ABCC6: variants seen among roughly 807,000 people sequenced by gnomAD.
ABCC6 encodes the protein ATP-binding cassette sub-family C member 6.
In ABCC6, 126 loss-of-function variants were observed where a neutral mutation model predicts 169.5. The ratio of observed to expected loss-of-function variants is 0.74; its 90% CI spans 0.64 to 0.86. The LOEUF (loss-of-function observed/expected upper bound fraction) is 0.86. ABCC6 is among the 40% of genes least tolerant of loss of function. The pLI, the probability that ABCC6 is intolerant of heterozygous loss-of-function variation, is 0.00. For synonymous variants in ABCC6, 752 were observed against 814.7 expected (o/e 0.92, Z 1.31); for missense variants, 1,733 against 1,927.2 (o/e 0.90, Z 1.89).
rs975834199 is a variant in ABCC6, at chr16:16,177,715, T to C, written c.2416-89A>G. On this transcript the variant is annotated intron_variant, in intron 18 of 30. Transcript: ENST00000205557. ...CCCAACACTTTGGGAAGCCAAAGCA[T>C]GTGGATCACTTGAGGCCAGAAGTTC... 14 of 1,513,310 alleles carry C rather than the reference T, an allele frequency of 9.3e-6. No individual in the cohort carries two copies. The South Asian group carries it at 1.6e-4, about 17-fold the overall frequency. 93.7% of individuals were successfully genotyped at this position (1,513,310 alleles called of 1,614,324 possible).
chr16:16,157,323 C>T (rs1288374823), intron 27 of ABCC6, among the ~76,000 whole-genome samples: 1 of 152,140 alleles, frequency 6.6e-6, no homozygotes. Flanking sequence ...CAATGTCTCC[C>T]AGCTGAAAGC....
intron 5 of ABCC6, among the ~76,000 whole-genome samples, chr16:16,212,646 G>T (rs1051827674): frequency 2.8e-4 from 42 of 151,754 alleles, no homozygotes; most frequent in African/African-American, 9.2e-4. Flanking sequence ...AAACATCGAG[G>T]TGCCCTGTCT....
intron 17 of ABCC6, among the ~76,000 whole-genome samples, chr16:16,179,677 G>GCCT (rs1228901855): frequency 2.0e-5 from 3 of 152,142 alleles, no homozygotes; most frequent in African/African-American, 7.2e-5. Context: ...TGCAACCTCT[G>GCCT]CCTCCTGGGT....
intron 4 of ABCC6, among the ~76,000 whole-genome samples, chr16:16,219,170 AG>A (rs2048987287): frequency 8.6e-6 from 1 of 115,664 alleles, no homozygotes; most frequent in Admixed American, 9.8e-5. Context: ...GAACATGGGG[AG>A]GGTGAATCCA....
rs7500834 is a variant in ABCC6, at chr16:16,178,813, T to C, written c.2400A>G (p.Gly800=). The stretch of plus-strand genomic sequence containing the variant: ...CCAAACTTACTGTTCCCTGGAGTAG[T>C]CCACCAGGCCCAATGACCTGGTTGA... ...HVFNQVIGPG[G]LLQGTTRILV... The change falls in exon 18 of 31, where the codon GGA becomes GGG. Residue 800 remains glycine, a synonymous_variant. Transcript: ENST00000205557. 0.99 allele frequency: 1,605,139 copies of C among 1,613,866 alleles called. 798,620 individuals carry two copies. Among genetic ancestry groups the C allele is most frequent in the East Asian group, 1 (44,850 of 44,850 alleles).
intron 9 of ABCC6, among the ~76,000 whole-genome samples, chr16:16,200,651 C>G (rs948943272): frequency 1.4e-5 from 2 of 142,300 alleles, no homozygotes; most frequent in African/African-American, 5.0e-5. Context: ...GGATGCAGCA[C>G]TCTGGCAGGA....
At chr16:16,209,283 CA>C (rs1186783854) in intron 6 of ABCC6, among the ~76,000 whole-genome samples, 3 of 152,058 alleles carry the variant, frequency 2.0e-5, no homozygotes, top group African/African-American at 7.2e-5. Context: ...GGAGTTTCAC[CA>C]TGTTGGCCAG....
intron 25 of ABCC6, among the ~76,000 whole-genome samples, chr16:16,161,053 C>T (rs759411402): frequency 3.1e-4 from 47 of 151,874 alleles, no homozygotes; most frequent in Admixed American, 7.2e-4. Context: ...CTCAGTGAGC[C>T]GAGATTGCAC....
chr16:16,206,539 G>A (rs936319698), intron 7 of ABCC6, among the ~76,000 whole-genome samples: 16 of 151,822 alleles, frequency 1.1e-4, no homozygotes, highest in Non-Finnish European at 2.2e-4. Context: ...TCAGGAGGAC[G>A]CCCTCTCCCT....
chr16:16,189,063 C>G, intron 12 of ABCC6, 89 bp from the exon 13 acceptor site: 1 of 1,456,366 alleles, frequency 6.9e-7, no homozygotes, highest in African/African-American at 1.4e-5. Context: ...CTGCACGGTC[C>G]ATGTGGCCCA....
intron 22 of ABCC6, 154 bp from the exon 23 acceptor site, chr16:16,166,087 G>A: frequency 5.2e-6 from 4 of 765,910 alleles, no homozygotes; most frequent in African/African-American, 1.7e-5. Flanking sequence ...GTCTCACTCT[G>A]TCACCCATGT....
intron 7 of ABCC6, among the ~76,000 whole-genome samples, chr16:16,205,300 T>G (rs530656616): frequency 1.3e-5 from 2 of 152,296 alleles, no homozygotes; most frequent in East Asian, 3.9e-4. Context: ...CTCTGAGAGA[T>G]GGCGACAGCC....
chr16:16,159,429 C>T, intron 26 of ABCC6, 53 bp downstream of exon 26: 2 of 1,518,032 alleles, frequency 1.3e-6, no homozygotes, highest in East Asian at 2.3e-5. Flanking sequence ...ACCCATTGCC[C>T]CCCCCCACAA....
At chr16:16,159,673 GCCAGACC>G in intron 25 of ABCC6, 90 bp from the exon 26 acceptor site, 1 of 1,178,398 alleles carries the variant, frequency 8.5e-7, no homozygotes, top group South Asian at 1.3e-5. Context: ...TTTCTGGGAG[GCCAGACC>G]CAGGGGAGTA....
At chr16:16,208,378 TG>T (rs2048464692) in intron 7 of ABCC6, among the ~76,000 whole-genome samples, 1 of 151,020 alleles carries the variant, frequency 6.6e-6, no homozygotes, top group Non-Finnish European at 1.5e-5. Context: ...CTTGTTTGTT[TG>T]TTTTTTTTTT....
At chr16:16,204,378 C>T (rs941183996) in intron 7 of ABCC6, among the ~76,000 whole-genome samples, 4 of 152,106 alleles carry the variant, frequency 2.6e-5, no homozygotes, top group African/African-American at 4.8e-5. Context: ...TTCAACCTAT[C>T]GTGTTGTCAA....
At chr16:16,185,429 A>G (rs1215059418) in intron 14 of ABCC6, among the ~76,000 whole-genome samples, 12 of 152,246 alleles carry the variant, frequency 7.9e-5, no homozygotes, top group Non-Finnish European at 1.5e-5. Context: ...GGAAAAAGTT[A>G]GTGAATTTCT....
At chr16:16,159,630 G>A in intron 25 of ABCC6, 47 bp from the exon 26 acceptor site, 1 of 1,580,952 alleles carries the variant, frequency 6.3e-7, no homozygotes. Context: ...GGCCACTTGA[G>A]GGCTTGCAAC....
Position 16,161,455 on chromosome 16 carries a change from CAG to C in ABCC6, c.3614_3615del (p.Ser1205CysfsTer72), listed in dbSNP as rs745900279. On this transcript the variant is annotated frameshift_variant, in exon 25 of 31. Coordinates refer to ENST00000205557, the MANE Select transcript of ABCC6 (RefSeq NM_001171.6). LOFTEE classifies it high-confidence loss of function. The stretch of plus-strand genomic sequence containing the variant: ...GGGAGTACCTGGAGGGCAGCAGAGA[CAG>C]AGAAGCCCACGAGGCCAGCACTGAG... ...AHLSAGLVGF[S>X]VSAALQVTQT... The C allele has an allele frequency of 2.7e-5, 44 of 1,613,792 alleles. No homozygotes were observed. The highest frequency in any genetic ancestry group is 1.5e-5 in the Non-Finnish European group (18 of 1,180,040).
Sources: allele counts gnomAD v4.1 joint callset (sites outside exome capture counted in the v4.1 genomes callset), GRCh38; gene constraint gnomAD v4.1.1; transcripts MANE v1.5; gene names NCBI Gene and HGNC (gene_info 2026-07-23, HGNC 2026-07-21).